Variants in SHROOM3 observed in about 807,000 individuals in gnomAD.
SHROOM3 encodes the protein shroom family member 3.
A neutral mutation model predicts 138.6 loss-of-function variants in SHROOM3; 47 were observed. The ratio of observed to expected loss-of-function variants is 0.34; its 90% CI spans 0.27 to 0.43. The LOEUF (loss-of-function observed/expected upper bound fraction) is 0.43, where lower values mean the gene tolerates loss of function less well. SHROOM3 is among the 20% of genes least tolerant of loss of function. The probability of loss-of-function intolerance (pLI) is 1.00; values close to 1 mark genes in which losing one functional copy is unlikely to be tolerated. For synonymous variants in SHROOM3, 1,062 were observed against 1,063.3 expected, an observed-to-expected ratio of 1.00 and a Z score of 0.02; for missense variants, 2,491 against 2,596.5, an observed-to-expected ratio of 0.96 and a Z score of 0.88.
chr4:76,682,869 C>A (rs535826282), intron 2 of SHROOM3, among the ~76,000 whole-genome samples: 1 of 152,158 alleles, frequency 6.6e-6, no homozygotes, highest in Non-Finnish European at 1.5e-5. Context: ...GGTGACATAG[C>A]AATGACAAGT....
chr4:76,624,564 T>C (rs1215859708), intron 2 of SHROOM3, among the ~76,000 whole-genome samples: 2 of 152,118 alleles, frequency 1.3e-5, no homozygotes, highest in African/African-American at 4.8e-5. Flanking sequence ...GCATGAGAAT[T>C]CCCAGCAGTT....
chr4:76,551,930 C>T (rs768919886), intron 1 of SHROOM3, among the ~76,000 whole-genome samples: 24 of 151,012 alleles, frequency 1.6e-4, no homozygotes, highest in South Asian at 6.3e-4. Context: ...GGTGCGATCT[C>T]GGCTCACTGC....
chr4:76,633,185 A>G (rs1206369699), intron 2 of SHROOM3, among the ~76,000 whole-genome samples: 1 of 151,722 alleles, frequency 6.6e-6, no homozygotes, highest in Non-Finnish European at 1.5e-5. Context: ...ATCCTGGCTA[A>G]CTTGGTGAGT....
chr4:76,465,573 TC>T (rs1464696150), intron 1 of SHROOM3, among the ~76,000 whole-genome samples: 2 of 152,194 alleles, frequency 1.3e-5, no homozygotes. Context: ...GCTTTCTCTC[TC>T]CCCTTTCACA....
intron 1 of SHROOM3, among the ~76,000 whole-genome samples, chr4:76,514,213 G>A (rs781275199): frequency 2.6e-5 from 4 of 152,180 alleles, no homozygotes; most frequent in Non-Finnish European, 4.4e-5. Flanking sequence ...AATGTTCATA[G>A]TAGCATTATT....
At chr4:76,665,547 T>C (rs914805910) in intron 2 of SHROOM3, among the ~76,000 whole-genome samples, 3 of 152,222 alleles carry the variant, frequency 2.0e-5, no homozygotes, top group African/African-American at 7.2e-5. Flanking sequence ...GACTGTTCTA[T>C]GGATTTGGCT....
intron 2 of SHROOM3, among the ~76,000 whole-genome samples, chr4:76,606,893 T>G (rs958755244): frequency 6.6e-6 from 1 of 152,140 alleles, no homozygotes; most frequent in Non-Finnish European, 1.5e-5. Flanking sequence ...GGTCTTGGTA[T>G]GCTAAACTCT....
chr4:76,562,555 A>G (rs1439964098), intron 2 of SHROOM3, among the ~76,000 whole-genome samples: 2 of 152,216 alleles, frequency 1.3e-5, no homozygotes, highest in Admixed American at 6.5e-5. Context: ...TCTATTAGCT[A>G]TTAATAAAAA....
At position 76,439,750 on chromosome 4, in the gene SHROOM3, G is replaced by A. The variant is rs545385757; in HGVS notation, c.168+3530G>A. On this transcript the variant is annotated intron_variant, in intron 1 of 10. Transcript: ENST00000296043. ...GGCAGCTATAAACTGCCAGGTTATG[G>A]ATGGCAATATAATAAATGAAGTATC... 2.0e-5 allele frequency among the ~76,000 whole-genome samples: 3 copies of A among 152,268 alleles called. No homozygotes were observed. The South Asian group carries it at 6.2e-4, about 32-fold the overall frequency.
In SHROOM3 at chr4:76,700,162, G is replaced by C. The variant is rs149445015; in HGVS notation, c.324-9994G>C. On this transcript the variant is annotated intron_variant, in intron 2 of 10. Transcript: ENST00000296043. Reference sequence around the variant, plus strand: ...ATAAGATTAAGACTATGACATCATAGTTAAGAGCATAGACTTTGTCATCAG... The same window carrying C: ...ATAAGATTAAGACTATGACATCATACTTAAGAGCATAGACTTTGTCATCAG... Among the ~76,000 whole-genome samples the C allele has an allele frequency of 3.5e-4, 53 of 152,350 alleles. No individual in the cohort carries two copies. The East Asian group carries it at 7.7e-3, about 22-fold the overall frequency.
chr4:76,464,836 A>G (rs111615563), intron 1 of SHROOM3, among the ~76,000 whole-genome samples: 1,877 of 152,236 alleles, frequency 0.012, 41 homozygotes, highest in African/African-American at 0.043. Flanking sequence ...ACCTTTTGCC[A>G]TGATTGTAAG....
intron 3 of SHROOM3, among the ~76,000 whole-genome samples, chr4:76,730,357 G>A (rs998824798): frequency 6.6e-6 from 1 of 152,150 alleles, no homozygotes; most frequent in African/African-American, 2.4e-5. Context: ...AGAGGACTTC[G>A]AAAACCCCAG....
chr4:76,755,188 C>T lies in SHROOM3; in HGVS notation c.4705C>T (p.Pro1569Ser). Residue 1569 changes from proline (P) to serine (S), a missense_variant, in exon 7 of 11, where the codon CCC becomes TCC. Around this residue, in one of 4 missense-constraint regions of SHROOM3, gnomAD observed 470 missense variants for 595.0 expected, o/e 0.79. Transcript: ENST00000296043. ...CAGTGAGGATCCCGAGGGGCCACGCCCCAGGTGAGTGAGCAGACTGGGCAG... is the reference window on the plus strand; with the variant it reads ...CAGTGAGGATCCCGAGGGGCCACGCTCCAGGTGAGTGAGCAGACTGGGCAG... ...LDSEDPEGPRPSFNKLSKVTI... is the reference protein window; with the variant it reads ...LDSEDPEGPRSSFNKLSKVTI... 1 of 1,613,630 alleles carries T rather than the reference C, an allele frequency of 6.2e-7. No individual in the cohort carries two copies. The highest frequency in any genetic ancestry group is 1.1e-5 in the South Asian group (1 of 90,972).
At chr4:76,694,876 C>T (rs1184083700) in intron 2 of SHROOM3, among the ~76,000 whole-genome samples, 1 of 152,174 alleles carries the variant, frequency 6.6e-6, no homozygotes, top group Non-Finnish European at 1.5e-5. Flanking sequence ...GGCACTGTTA[C>T]TATCCCCTTT....
chr4:76,635,057 G>A (rs866607418), intron 2 of SHROOM3, among the ~76,000 whole-genome samples: 21 of 152,214 alleles, frequency 1.4e-4, no homozygotes, highest in Middle Eastern at 3.4e-3. Flanking sequence ...GAAGAGAACG[G>A]GGGGAGATGG....
At chr4:76,460,566 A>G (rs1003698254) in intron 1 of SHROOM3, among the ~76,000 whole-genome samples, 84 of 152,094 alleles carry the variant, frequency 5.5e-4, no homozygotes, top group African/African-American at 1.9e-3. Context: ...GTCCAGGATC[A>G]AGGTGTGAGC....
intron 9 of SHROOM3, among the ~76,000 whole-genome samples, chr4:76,761,644 C>T (rs149468396): frequency 2.0e-5 from 3 of 152,308 alleles, no homozygotes; most frequent in South Asian, 2.1e-4. Context: ...CTGAGCTAAA[C>T]TGGAGGTTCT....
chr4:76,775,634 G>T (rs1722527555), intron 10 of SHROOM3, among the ~76,000 whole-genome samples: 1 of 150,682 alleles, frequency 6.6e-6, no homozygotes, highest in Non-Finnish European at 1.5e-5. Context: ...GCAAAAAAGG[G>T]AACCAGCCCA....
intron 2 of SHROOM3, among the ~76,000 whole-genome samples, chr4:76,602,210 C>T (rs1734521318): frequency 6.6e-6 from 1 of 151,984 alleles, no homozygotes; most frequent in Non-Finnish European, 1.5e-5. Context: ...GAATACTTAC[C>T]ATCCCAATCC....
Sources: allele counts gnomAD v4.1 joint callset (sites outside exome capture counted in the v4.1 genomes callset), GRCh38; gene constraint gnomAD v4.1.1; regional missense constraint gnomAD v4.1.1; transcripts MANE v1.5; gene names NCBI Gene and HGNC (gene_info 2026-07-23, HGNC 2026-07-21).